PPP1R35: variants seen among roughly 807,000 people sequenced by gnomAD.
The protein encoded by PPP1R35 is protein phosphatase 1 regulatory subunit 35, also known as UPF0683 protein C7orf47.
A neutral mutation model predicts 22.2 loss-of-function variants in PPP1R35; 23 were observed. The ratio of observed to expected loss-of-function variants is 1.04; its 90% CI spans 0.75 to 1.47. The LOEUF (loss-of-function observed/expected upper bound fraction) is 1.47. Among genes scored for constraint, PPP1R35 ranks in the 40% most tolerant of loss-of-function variants. The probability of loss-of-function intolerance (pLI) is 0.00; values close to 1 mark genes in which losing one functional copy is unlikely to be tolerated. For missense variants in PPP1R35, 409 were observed against 349.6 expected (o/e 1.17, Z -1.36); for synonymous variants, 198 against 165.7 (o/e 1.19, Z -1.50).
In PPP1R35 at chr7:100,436,176, C is replaced by T; in HGVS notation, c.199G>A (p.Ala67Thr). The change falls in exon 1 of 4, where the codon GCG (alanine) becomes ACG (threonine). Residue 67 changes from alanine (A) to threonine (T), a missense_variant. Physicochemically the swap from Ala to Thr is moderately conservative, Grantham distance 58. Coordinates refer to ENST00000292330, the MANE Select transcript of PPP1R35 (RefSeq NM_145030.4). ...HGSPGRRKGR[A>T]ERRGAARQRR... ...TGCCGAGCCGCGCCCCGCCGCTCCG[C>T]CCGCCCCTTCCGCCGCCCGGGGCTG... 1 of 1,234,714 alleles carries T rather than the reference C, an allele frequency of 8.1e-7. No homozygotes were observed. Among genetic ancestry groups the T allele is most frequent in the South Asian group, 4.0e-5 (1 of 25,070 alleles). 76.5% of individuals were successfully genotyped at this position (1,234,714 alleles called of 1,614,324 possible).
At position 100,435,509 on chromosome 7, in the gene PPP1R35, T is replaced by C. The variant is rs370711496; in HGVS notation, c.613A>G (p.Met205Val). ...PKEPPGPGPD[M>V]TILCDPETLF... ...GTTTCTGGGTCACACAAGATGGTCA[T>C]GTCTGGCCCAGGCCCAGGTGGCTCC... The change falls in exon 4 of 4, where the codon ATG becomes GTG. Residue 205 changes from methionine to valine, a missense_variant. Transcript: ENST00000292330. 10 of 1,613,994 alleles carry C rather than the reference T, an allele frequency of 6.2e-6. No individual in the cohort carries two copies. The highest frequency in any genetic ancestry group is 5.3e-5 in the African/African-American group (4 of 74,908).
In PPP1R35 at chr7:100,435,843, C is replaced by T. The variant is rs1233708174; in HGVS notation, c.451+5G>A. On this transcript the variant is annotated splice_donor_5th_base_variant and intron_variant, in intron 2 of 3. Transcript: ENST00000292330. ...CGCACGCGGCCGGCCGCCCGCCCCC[C>T]TCACCCTCGGACACGCTCTCCTCCA... 2 of 1,585,630 alleles carry T rather than the reference C, an allele frequency of 1.3e-6. No individual in the cohort carries two copies.
upstream of PPP1R35, chr7:100,436,646 TCA>T: frequency 2.9e-6 from 1 of 345,166 alleles, no homozygotes; most frequent in Non-Finnish European, 5.3e-6. Flanking sequence ...TTGGAAGCAC[TCA>T]CAGCCTTGGC....
Position 100,435,774 on chromosome 7 carries a change from G to C in PPP1R35, c.452-7C>G, listed in dbSNP as rs758396705. On this transcript the variant is annotated splice_polypyrimidine_tract_variant and splice_region_variant and intron_variant, in intron 2 of 3. Coordinates refer to ENST00000292330, the MANE Select transcript of PPP1R35 (RefSeq NM_145030.4). ...GAGCGCGGCACGTTCAGCCCTGAGA[G>C]CGCAGCGGGGACGGAGGTGAGTGGC... 6.3e-7 allele frequency: 1 copy of C among 1,596,256 alleles called. No homozygotes were observed. The highest frequency in any genetic ancestry group is 1.7e-5 in the Admixed American group (1 of 58,284).
In PPP1R35 at chr7:100,435,843, C is replaced by G. The variant is rs1233708174; in HGVS notation, c.451+5G>C. 3 of 1,585,512 alleles carry G rather than the reference C, an allele frequency of 1.9e-6. No individual in the cohort carries two copies. The highest frequency in any genetic ancestry group is 2.7e-5 in the African/African-American group (2 of 74,626). On this transcript the variant is annotated splice_donor_5th_base_variant and intron_variant, in intron 2 of 3. Transcript: ENST00000292330. ...CGCACGCGGCCGGCCGCCCGCCCCC[C>G]TCACCCTCGGACACGCTCTCCTCCA...
Position 100,435,946 on chromosome 7 carries a change from G to A in PPP1R35, c.353C>T (p.Ala118Val), listed in dbSNP as rs770236566. The change falls in exon 2 of 4, where the codon GCC (alanine) becomes GTC (valine). Residue 118 changes from alanine (A) to valine (V), a missense_variant. Ala to Val is a moderately conservative substitution (Grantham distance 64). Transcript: ENST00000292330. ...SSLALGLELR[A>V]AAGSHFDAAK... ...AGCATCAAAGTGGCTCCCGGCTGCG[G>A]CCCGCAGCTCCAGGCCCAAGGCCAG... 31 of 1,591,702 alleles carry A rather than the reference G, an allele frequency of 1.9e-5. No individual in the cohort carries two copies. In the South Asian group the frequency reaches 2.3e-4, roughly 12 times the overall value.
chr7:100,436,670 G>A (rs925419700), upstream of PPP1R35: 3 of 294,764 alleles, frequency 1.0e-5, no homozygotes, highest in Non-Finnish European at 1.3e-5. Flanking sequence ...CCGCCCCCAA[G>A]CCGAAGTGTT....
chr7:100,436,163 C>G lies in PPP1R35; in HGVS notation c.212G>C (p.Gly71Ala), dbSNP rs770591555. ...GRRKGRAERR[G>A]AARQRRQVRF... ...CACCTGCCGCCGCTGCCGAGCCGCG[C>G]CCCGCCGCTCCGCCCGCCCCTTCCG... The change falls in exon 1 of 4, where the codon GGC (glycine) becomes GCC (alanine). Residue 71 changes from glycine (G) to alanine (A), a missense_variant. Gly to Ala is a moderately conservative substitution (Grantham distance 60, BLOSUM62 0). Coordinates refer to ENST00000292330, the MANE Select transcript of PPP1R35 (RefSeq NM_145030.4). 1.6e-6 allele frequency: 2 copies of G among 1,235,094 alleles called. No homozygotes were observed. Among genetic ancestry groups the G allele is most frequent in the Admixed American group, 4.3e-5 (1 of 23,038 alleles). The allele number at this position is 1,235,094 out of a possible 1,614,324, so 76.5% of individuals were successfully genotyped here. A position where few individuals can be genotyped will look rare whatever the true frequency, so the allele number is the denominator to read the frequency against.
chr7:100,436,065 C>T lies in PPP1R35; in HGVS notation c.235-1G>A. On this transcript the variant is annotated splice_acceptor_variant, in intron 1 of 3. Coordinates refer to ENST00000292330, the MANE Select transcript of PPP1R35 (RefSeq NM_145030.4). LOFTEE classifies it high-confidence loss of function. ...AGGGCGGCGTCAGGCGGAAGCGGAC[C>T]TGGGAGCAGAGGGCAGGGCAGTGAC... 2 of 1,533,566 alleles carry T rather than the reference C, an allele frequency of 1.3e-6. No individual in the cohort carries two copies. The highest frequency in any genetic ancestry group is 2.7e-5 in the African/African-American group (2 of 73,012). The allele number at this position is 1,533,566 out of a possible 1,614,324, so 95.0% of individuals were successfully genotyped here.
Position 100,436,125 on chromosome 7 carries a change from A to G in PPP1R35, c.234+16T>C. 7.3e-7 allele frequency: 1 copy of G among 1,370,090 alleles called. No homozygotes were observed. Among genetic ancestry groups the G allele is most frequent in the Non-Finnish European group, 9.4e-7 (1 of 1,067,374 alleles). 84.9% of individuals were successfully genotyped at this position (1,370,090 alleles called of 1,614,324 possible). A position where few individuals can be genotyped will look rare whatever the true frequency, so the allele number is the denominator to read the frequency against. ...GCGAGGCCGTCGCGGGCCGGGGGCC[A>G]GCCTCCCCCGCTCACCTGCCGCCGC... On this transcript the variant is annotated intron_variant, in intron 1 of 3. Coordinates refer to ENST00000292330, the MANE Select transcript of PPP1R35 (RefSeq NM_145030.4).
chr7:100,436,698 T>C, upstream of PPP1R35: 1 of 251,294 alleles, frequency 4.0e-6, no homozygotes, highest in South Asian at 1.3e-4. Flanking sequence ...TGGGGTCGGT[T>C]GAAGCCCTAC....
rs1415682835 is a variant in PPP1R35 at position 100,436,371 on chromosome 7, T to C, written c.4A>G (p.Met2Val). Residue 2 changes from methionine to valine, a missense_variant, in exon 1 of 4, where the codon ATG becomes GTG. Physicochemically the swap from Met to Val is conservative, Grantham distance 21. Coordinates refer to ENST00000292330, the MANE Select transcript of PPP1R35 (RefSeq NM_145030.4). M[M>V]MGCGESELKS... ...AGCTCTGACTCCCCACAACCCATCA[T>C]CATCTTTGGAGGTGCCTTGAGGGTG... The C allele has an allele frequency of 6.7e-7, 1 of 1,496,342 alleles. No individual in the cohort carries two copies. Among genetic ancestry groups the C allele is most frequent in the Non-Finnish European group, 8.9e-7 (1 of 1,119,080 alleles). The allele number at this position is 1,496,342 out of a possible 1,614,324, so 92.7% of individuals were successfully genotyped here.
At position 100,436,425 on chromosome 7, in the gene PPP1R35, A is replaced by G. The variant is rs374106376; in HGVS notation, c.-51T>C. The G allele has an allele frequency of 3.0e-5, 41 of 1,353,722 alleles. No individual in the cohort carries two copies. In the African/African-American group the frequency reaches 5.3e-4, roughly 17 times the overall value. The allele number at this position is 1,353,722 out of a possible 1,614,324, so 83.9% of individuals were successfully genotyped here. Reference sequence around the variant, plus strand: ...GGATGCGGGGGTCGCAGACGCTCCAACGGTCAGGGGACACAGCCTGGCTGC... The same window carrying G: ...GGATGCGGGGGTCGCAGACGCTCCAGCGGTCAGGGGACACAGCCTGGCTGC... On this transcript the variant is annotated 5_prime_UTR_variant, in exon 1 of 4. Coordinates refer to ENST00000292330, the MANE Select transcript of PPP1R35 (RefSeq NM_145030.4).
At position 100,435,312 on chromosome 7, in the gene PPP1R35, ATAGTT is replaced by A. The variant is rs1584329979; in HGVS notation, c.*43_*47del. 2 of 1,540,740 alleles carry A rather than the reference ATAGTT, an allele frequency of 1.3e-6. No individual in the cohort carries two copies. The highest frequency in any genetic ancestry group is 2.3e-5 in the East Asian group (1 of 44,064). On this transcript the variant is annotated 3_prime_UTR_variant, in exon 4 of 4. Transcript: ENST00000292330. ...TAGCAAAATTACTTTATTCTAACAA[ATAGTT>A]TAACACAAAAATACGAACTAGCCCT...
Position 100,435,765 on chromosome 7 carries a change from G to C in PPP1R35, c.454C>G (p.Leu152Val). 1 of 1,599,066 alleles carries C rather than the reference G, an allele frequency of 6.3e-7. No individual in the cohort carries two copies. Among genetic ancestry groups the C allele is most frequent in the Non-Finnish European group, 8.5e-7 (1 of 1,177,206 alleles). The change falls in exon 3 of 4, where the codon CTG becomes GTG. Residue 152 changes from leucine (L) to valine (V), a missense_variant and splice_region_variant. Coordinates refer to ENST00000292330, the MANE Select transcript of PPP1R35 (RefSeq NM_145030.4). ...CGLEESVSEG[L>V]NVPRSKRLFR... ...AGCCGCTTGGAGCGCGGCACGTTCA[G>C]CCCTGAGAGCGCAGCGGGGACGGAG...
rs946504562 is a variant in PPP1R35 at position 100,435,720 on chromosome 7, G to A, written c.499C>T (p.Leu167=). Residue 167 remains leucine (L), a synonymous_variant, in exon 3 of 4, where the codon CTG becomes TTG. Transcript: ENST00000292330. ...SKRLFRDLVS[L]QVPEEQVLNA... ...AGAACCTGTTCCTCCGGCACCTGCA[G>A]GCTCACCAGGTCCCGGAAGAGCCGC... 2 of 1,603,424 alleles carry A rather than the reference G, an allele frequency of 1.2e-6. No homozygotes were observed. Among genetic ancestry groups the A allele is most frequent in the Non-Finnish European group, 1.7e-6 (2 of 1,177,314 alleles).
chr7:100,435,367 T>TC lies in PPP1R35; in HGVS notation c.754dup (p.Glu252GlyfsTer25). 2 of 1,597,034 alleles carry TC rather than the reference T, an allele frequency of 1.3e-6. No homozygotes were observed. Among genetic ancestry groups the TC allele is most frequent in the Non-Finnish European group, 1.7e-6 (2 of 1,174,460 alleles). On this transcript the variant is annotated frameshift_variant, in exon 4 of 4. Coordinates refer to ENST00000292330, the MANE Select transcript of PPP1R35 (RefSeq NM_145030.4). LOFTEE classifies it high-confidence loss of function. ...TCCAGGGATCTTTGGGGTCTACGCTTCCCATCGCCTCAGTGTCCGGTGCAT... is the reference window on the plus strand; with the variant it reads ...TCCAGGGATCTTTGGGGTCTACGCTTCCCCATCGCCTCAGTGTCCGGTGCAT...
rs372477894 is a variant in PPP1R35 at position 100,436,443 on chromosome 7, C to T, written c.-69G>A. ...CGCTCCAACGGTCAGGGGACACAGCCTGGCTGCCGCCTCCTTTCCCCCGCC... is the reference window on the plus strand; with the variant it reads ...CGCTCCAACGGTCAGGGGACACAGCTTGGCTGCCGCCTCCTTTCCCCCGCC... On this transcript the variant is annotated 5_prime_UTR_variant, in exon 1 of 4. Coordinates refer to ENST00000292330, the MANE Select transcript of PPP1R35 (RefSeq NM_145030.4). 8.4e-7 allele frequency: 1 copy of T among 1,184,960 alleles called. No homozygotes were observed. Among genetic ancestry groups the T allele is most frequent in the Non-Finnish European group, 1.1e-6 (1 of 879,924 alleles). The allele number at this position is 1,184,960 out of a possible 1,614,324, so 73.4% of individuals were successfully genotyped here.
At chr7:100,435,790 G>A (rs1214965355) in intron 2 of PPP1R35, 23 bp from the exon 3 acceptor site, 18 of 1,589,722 alleles carry the variant, frequency 1.1e-5, no homozygotes, top group African/African-American at 4.0e-5. Context: ...CGGGGACGGA[G>A]GTGAGTGGCG....
Sources: allele counts gnomAD v4.1 joint callset, GRCh38; gene constraint gnomAD v4.1.1; transcripts MANE v1.5; gene names NCBI Gene and HGNC (gene_info 2026-07-23, HGNC 2026-07-21).